Variants in SH2D4B observed in about 807,000 individuals in gnomAD.
SH2D4B encodes the protein SH2 domain containing 4B, also known as SH2 domain-containing protein 4B.
In SH2D4B, 45 loss-of-function variants were observed where a neutral mutation model predicts 61.5. The ratio of observed to expected loss-of-function variants is 0.73; its 90% CI spans 0.58 to 0.94. SH2D4B has a LOEUF of 0.94. SH2D4B is among the 40% of genes least tolerant of loss of function. SH2D4B has a pLI of 0.00. For missense variants in SH2D4B, 572 were observed against 574.2 expected (o/e 1.00, Z 0.04); for synonymous variants, 224 against 220.4 (o/e 1.02, Z -0.14).
At chr10:80,623,710 A>G (rs1842742306) in intron 6 of SH2D4B, among the ~76,000 whole-genome samples, 2 of 152,088 alleles carry the variant, frequency 1.3e-5, no homozygotes, top group Admixed American at 1.3e-4. Flanking sequence ...ATACTTACCT[A>G]TATTTACATG....
intron 6 of SH2D4B, among the ~76,000 whole-genome samples, chr10:80,613,051 T>C (rs1344138702): frequency 1.3e-5 from 2 of 152,194 alleles, no homozygotes; most frequent in African/African-American, 4.8e-5. Context: ...TGATGTTTCC[T>C]GGGATCTGGG....
chr10:80,609,357 C>G (rs539426844), intron 5 of SH2D4B, 67 bp from the exon 6 acceptor site: 3 of 1,534,128 alleles, frequency 2.0e-6, no homozygotes, highest in South Asian at 1.2e-5. Context: ...TTCCCCTCTG[C>G]CTTCCTCTCC....
intron 4 of SH2D4B, among the ~76,000 whole-genome samples, chr10:80,592,844 G>A (rs977063187): frequency 6.6e-6 from 1 of 151,416 alleles, no homozygotes; most frequent in Non-Finnish European, 1.5e-5. Flanking sequence ...AGCATCCTGA[G>A]TAGCTGGACC....
intron 6 of SH2D4B, among the ~76,000 whole-genome samples, chr10:80,623,768 G>A (rs567374505): frequency 7.2e-5 from 11 of 152,176 alleles, no homozygotes; most frequent in Admixed American, 1.3e-4. Flanking sequence ...AGCTCACTGA[G>A]CATCATGCCA....
intron 6 of SH2D4B, among the ~76,000 whole-genome samples, chr10:80,623,309 G>A (rs1842736874): frequency 6.6e-6 from 1 of 152,240 alleles, no homozygotes; most frequent in African/African-American, 2.4e-5. Context: ...TTTGGTGTCT[G>A]TGAGGGCTCA....
chr10:80,618,105 T>C (rs7915642), intron 6 of SH2D4B, among the ~76,000 whole-genome samples: 79,665 of 152,086 alleles, frequency 0.52, 22,147 homozygotes, highest in East Asian at 0.73. Flanking sequence ...TGCCAGAAGA[T>C]AGCCACTGAA....
chr10:80,548,769 A>G (rs549910256), intron 1 of SH2D4B, among the ~76,000 whole-genome samples: 9 of 152,250 alleles, frequency 5.9e-5, no homozygotes, highest in African/African-American at 2.2e-4. Flanking sequence ...TGAGTGCTCC[A>G]TTGCTAGCCC....
intron 1 of SH2D4B, among the ~76,000 whole-genome samples, 180 bp from the exon 2 acceptor site, chr10:80,569,974 G>A (rs944036906): frequency 5.3e-5 from 8 of 152,250 alleles, no homozygotes; most frequent in African/African-American, 1.9e-4. Flanking sequence ...TCTCCCTAGA[G>A]GAATAGAGAG....
chr10:80,576,592 A>C (rs931943375), intron 3 of SH2D4B, among the ~76,000 whole-genome samples: 1 of 152,190 alleles, frequency 6.6e-6, no homozygotes, highest in Admixed American at 6.5e-5. Context: ...GAAATAGTTA[A>C]GCCTAGGCTA....
At chr10:80,621,457 T>C (rs1397310753) in intron 6 of SH2D4B, among the ~76,000 whole-genome samples, 1 of 152,254 alleles carries the variant, frequency 6.6e-6, no homozygotes, top group African/African-American at 2.4e-5. Flanking sequence ...TAAAAATAAA[T>C]AACTTAAAAT....
intron 1 of SH2D4B, among the ~76,000 whole-genome samples, chr10:80,556,175 C>A (rs1213558081): frequency 6.6e-6 from 1 of 151,352 alleles, no homozygotes; most frequent in African/African-American, 2.4e-5. Flanking sequence ...TTTTCTAGTA[C>A]TATTTGTTGA....
At chr10:80,554,749 C>T (rs1194762104) in intron 1 of SH2D4B, among the ~76,000 whole-genome samples, 1 of 152,142 alleles carries the variant, frequency 6.6e-6, no homozygotes, top group Non-Finnish European at 1.5e-5. Context: ...GTGGCTTACG[C>T]CTGTAATCTC....
chr10:80,618,615 G>A (rs756457085), intron 6 of SH2D4B, among the ~76,000 whole-genome samples: 3 of 152,148 alleles, frequency 2.0e-5, no homozygotes, highest in Non-Finnish European at 2.9e-5. Flanking sequence ...AAAGTATGGC[G>A]GTCAGAAAGG....
At chr10:80,624,102 T>C (rs747505139) in intron 6 of SH2D4B, among the ~76,000 whole-genome samples, 23 of 152,180 alleles carry the variant, frequency 1.5e-4, no homozygotes, top group Non-Finnish European at 2.6e-4. Context: ...CACTCTAGAA[T>C]GTGGCAGAAC....
chr10:80,641,989 T>G (rs1335514611), intron 7 of SH2D4B, among the ~76,000 whole-genome samples: 1 of 152,254 alleles, frequency 6.6e-6, no homozygotes, highest in Non-Finnish European at 1.5e-5. Context: ...TGTCCTCTAC[T>G]TTGATTATCA....
chr10:80,549,965 T>C (rs1035047433), intron 1 of SH2D4B, among the ~76,000 whole-genome samples: 9 of 152,018 alleles, frequency 5.9e-5, no homozygotes, highest in Admixed American at 3.3e-4. Context: ...GATTAATATT[T>C]AATTAATTTA....
At chr10:80,618,757 C>A (rs1156763638) in intron 6 of SH2D4B, among the ~76,000 whole-genome samples, 1 of 152,128 alleles carries the variant, frequency 6.6e-6, no homozygotes, top group Non-Finnish European at 1.5e-5. Context: ...AGTGAAACGT[C>A]GTGGCTGGCC....
At chr10:80,555,028 T>G (rs1357044753) in intron 1 of SH2D4B, among the ~76,000 whole-genome samples, 8 of 107,476 alleles carry the variant, frequency 7.4e-5, no homozygotes, top group Non-Finnish European at 1.4e-4. Flanking sequence ...AAAAAAAAAA[T>G]CCATGAAATA....
At chr10:80,568,721 C>A (rs1298995679) in intron 1 of SH2D4B, among the ~76,000 whole-genome samples, 1 of 152,226 alleles carries the variant, frequency 6.6e-6, no homozygotes, top group Non-Finnish European at 1.5e-5. Context: ...AATCCTACAA[C>A]ATCTCAAATT....
Sources: allele counts gnomAD v4.1 joint callset (sites outside exome capture counted in the v4.1 genomes callset), GRCh38; gene constraint gnomAD v4.1.1; transcripts MANE v1.5; gene names NCBI Gene and HGNC (gene_info 2026-07-23, HGNC 2026-07-21).